Variants in ZNF446 observed in about 807,000 individuals in gnomAD.
The protein encoded by ZNF446 is zinc finger protein with KRAB and SCAN domains 20.
Under a neutral mutation model 34.0 loss-of-function variants are expected in ZNF446, and 42 were observed. The ratio of observed to expected loss-of-function variants is 1.23; its 90% CI spans 0.96 to 1.60. The LOEUF is 1.60. Among genes scored for constraint, ZNF446 ranks in the 40% most tolerant of loss-of-function variants. The probability of loss-of-function intolerance (pLI) is 0.00; values close to 1 mark genes in which losing one functional copy is unlikely to be tolerated. For synonymous variants in ZNF446, 315 were observed against 251.0 expected (o/e 1.25, Z -2.41); for missense variants, 650 against 600.2 (o/e 1.08, Z -0.87).
chr19:58,479,513 C>A, intron 4 of ZNF446, 130 bp from the exon 5 acceptor site: 1 of 911,956 alleles, frequency 1.1e-6, no homozygotes, highest in Non-Finnish European at 1.7e-6. Context: ...ACCTTGAGAT[C>A]ATTCTCAGCA....
downstream of ZNF446, among the ~76,000 whole-genome samples, chr19:58,481,447 G>A (rs920448558): frequency 9.9e-5 from 15 of 152,106 alleles, no homozygotes; most frequent in Admixed American, 2.0e-4. Flanking sequence ...CATCAGTCCC[G>A]GCTTGAGAGA....
chr19:58,483,163 T>C (rs1159367089), downstream of ZNF446, among the ~76,000 whole-genome samples: 4 of 148,512 alleles, frequency 2.7e-5, no homozygotes, highest in Admixed American at 1.3e-4. Flanking sequence ...CTGGGCAACA[T>C]AGTGAGACCT....
At chr19:58,479,816 C>T (rs1347182430) in intron 5 of ZNF446, 89 bp downstream of exon 5, 4 of 1,449,846 alleles carry the variant, frequency 2.8e-6, no homozygotes, top group Non-Finnish European at 3.8e-6. Flanking sequence ...CTCTGTGCTA[C>T]CAGCCCTACC....
downstream of ZNF446, among the ~76,000 whole-genome samples, chr19:58,481,613 C>T (rs2053140843): frequency 2.0e-5 from 3 of 152,214 alleles, no homozygotes; most frequent in Non-Finnish European, 4.4e-5. Context: ...AAAAGGTCAG[C>T]TCCCTGGGAA....
chr19:58,484,958 T>C (rs1446817265), downstream of ZNF446, among the ~76,000 whole-genome samples: 1 of 152,004 alleles, frequency 6.6e-6, no homozygotes. Context: ...CTCGGGAGGC[T>C]GAGGCAGGAG....
chr19:58,488,924 G>A, the ZNF446 span, among the ~76,000 whole-genome samples: 1 of 151,830 alleles, frequency 6.6e-6, no homozygotes, highest in East Asian at 1.9e-4. Flanking sequence ...CAGGACCTGT[G>A]CATATGATGA....
chr19:58,482,724 C>T (rs922664576), downstream of ZNF446, among the ~76,000 whole-genome samples: 2 of 152,140 alleles, frequency 1.3e-5, no homozygotes, highest in Non-Finnish European at 2.9e-5. Flanking sequence ...GTGCAGGGCT[C>T]CGGAAGCAGG....
Position 58,481,131 on chromosome 19 carries a change from T to A in ZNF446, c.*405T>A. ...GCAGAGGCTGGGCCTGAGGTCTCAG[T>A]GTGGAGAGCAGCAGAAGACCCAGGA... is the stretch of plus-strand genomic sequence containing the variant. On this transcript the variant is annotated 3_prime_UTR_variant, in exon 7 of 7. Coordinates refer to ENST00000594369, the MANE Select transcript of ZNF446 (RefSeq NM_017908.4). The A allele has an allele frequency of 5.1e-6, 1 of 196,914 alleles. No homozygotes were observed. Among genetic ancestry groups the A allele is most frequent in the East Asian group, 1.2e-4 (1 of 8,426 alleles). The allele number at this position is 196,914 out of a possible 1,614,324, so 12.2% of individuals were successfully genotyped here. A position where few individuals can be genotyped will look rare whatever the true frequency, so the allele number is the denominator to read the frequency against.
At chr19:58,484,068 C>T (rs1055168395), downstream of ZNF446, among the ~76,000 whole-genome samples, 12 of 151,976 alleles carry the variant, frequency 7.9e-5, no homozygotes, top group Middle Eastern at 3.4e-3. Context: ...TTTATTTTTG[C>T]CTTAAAACAG....
chr19:58,486,041 T>TGA (rs1287613592), downstream of ZNF446, among the ~76,000 whole-genome samples: 1 of 150,994 alleles, frequency 6.6e-6, no homozygotes, highest in Non-Finnish European at 1.5e-5. Context: ...CTCAGCCTCC[T>TGA]GAGTAGCTGG....
rs368919922 is a variant in ZNF446, at chr19:58,480,332, C to T, written c.959C>T (p.Thr320Met). The change falls in exon 7 of 7, where the codon ACG (threonine) becomes ATG (methionine). Residue 320 changes from threonine to methionine, a missense_variant. Physicochemically the swap from Thr to Met is moderately conservative, Grantham distance 81. Coordinates refer to ENST00000594369, the MANE Select transcript of ZNF446 (RefSeq NM_017908.4). This position sits in a 1 kb window ranked among gnomAD's most constrained non-coding sequence, Gnocchi z 7.2. ...PVPTQPTPAE[T>M]RLEPAATPRK... ...CCCACTCAGCCCACACCTGCAGAGA[C>T]GAGACTGGAGCCGGCTGCCACCCCC... The T allele has an allele frequency of 2.5e-4, 398 of 1,590,850 alleles. 6 individuals are homozygous for T. The South Asian group carries it at 3.4e-3, about 14-fold the overall frequency.
At chr19:58,486,759 G>A in the ZNF446 span, among the ~76,000 whole-genome samples, 2 of 150,572 alleles carry the variant, frequency 1.3e-5, no homozygotes, top group Non-Finnish European at 2.9e-5. Flanking sequence ...ATGTTGCCCA[G>A]GCTGAAAGTA....
intron 4 of ZNF446, chr19:58,479,423 G>A (rs988753298): frequency 5.2e-6 from 3 of 575,924 alleles, no homozygotes; most frequent in African/African-American, 3.8e-5. Context: ...GAGCAGGATG[G>A]TGTAGTAGAG....
At position 58,477,564 on chromosome 19, in the gene ZNF446, A is replaced by T. The variant is rs1448799984; in HGVS notation, c.342+4A>T. The T allele has an allele frequency of 5.6e-6, 9 of 1,612,156 alleles. No homozygotes were observed. The highest frequency in any genetic ancestry group is 1.3e-5 in the African/African-American group (1 of 74,910). On this transcript the variant is annotated splice_donor_region_variant and intron_variant, in intron 2 of 6. Coordinates refer to ENST00000594369, the MANE Select transcript of ZNF446 (RefSeq NM_017908.4). ...CCCTGGGCAACTGTTGGGCTGGGTGAGTGTGGCTGGCATCAGCTTCTTGGA... is the reference window on the plus strand; with the variant it reads ...CCCTGGGCAACTGTTGGGCTGGGTGTGTGTGGCTGGCATCAGCTTCTTGGA...
chr19:58,481,900 TCTC>T (rs2053143039), downstream of ZNF446, among the ~76,000 whole-genome samples: 1 of 152,076 alleles, frequency 6.6e-6, no homozygotes, highest in Non-Finnish European at 1.5e-5. Flanking sequence ...TTCACGCCAT[TCTC>T]CTGCCTCAAC....
At chr19:58,484,551 C>T (rs1182921593), downstream of ZNF446, among the ~76,000 whole-genome samples, 1 of 151,406 alleles carries the variant, frequency 6.6e-6, no homozygotes, top group Non-Finnish European at 1.5e-5. Context: ...ATGGCCCCTT[C>T]CCCCATGTGG....
Position 58,480,320 on chromosome 19 carries a change from C to A in ZNF446, c.947C>A (p.Thr316Lys), listed in dbSNP as rs1397966064. 1 of 1,586,062 alleles carries A rather than the reference C, an allele frequency of 6.3e-7. No individual in the cohort carries two copies. Among genetic ancestry groups the A allele is most frequent in the South Asian group, 1.1e-5 (1 of 88,020 alleles). Residue 316 changes from threonine to lysine, a missense_variant, in exon 7 of 7, where the codon ACA becomes AAA. Coordinates refer to ENST00000594369, the MANE Select transcript of ZNF446 (RefSeq NM_017908.4). This position sits in a 1 kb window ranked among gnomAD's most constrained non-coding sequence, Gnocchi z 7.2. Reference protein sequence around the residue: ...PGTPPVPTQPTPAETRLEPAA... With the variant: ...PGTPPVPTQPKPAETRLEPAA... Reference sequence around the variant, plus strand: ...ACACCGCCAGTGCCCACTCAGCCCACACCTGCAGAGACGAGACTGGAGCCG... The same window carrying A: ...ACACCGCCAGTGCCCACTCAGCCCAAACCTGCAGAGACGAGACTGGAGCCG...
chr19:58,478,028 C>A, intron 3 of ZNF446, 59 bp from the exon 4 acceptor site: 1 of 1,503,722 alleles, frequency 6.7e-7, no homozygotes, highest in Non-Finnish European at 9.1e-7. Flanking sequence ...AGCTCCTCAT[C>A]TGCCATGGCT....
At chr19:58,484,194 T>G (rs527451394), downstream of ZNF446, among the ~76,000 whole-genome samples, 6 of 150,396 alleles carry the variant, frequency 4.0e-5, no homozygotes, top group East Asian at 1.2e-3. Flanking sequence ...CCCAGCACTT[T>G]GAGAGGCTGA....
Sources: gnomAD v4.1 joint callset for allele counts (sites outside exome capture counted in the v4.1 genomes callset) on GRCh38, gnomAD v4.1.1 for gene constraint, Gnocchi (gnomAD v3.1) non-coding constraint, MANE v1.5 for transcripts, NCBI Gene and HGNC (gene_info 2026-07-23, HGNC 2026-07-21) for gene names.